The following ST18 variants were observed in gnomAD, a reference collection of about 807,000 sequenced individuals.
ST18 encodes ST18 C2H2C-type zinc finger transcription factor.
A neutral mutation model predicts 110.0 loss-of-function variants in ST18; 50 were observed. The ratio of observed to expected loss-of-function variants is 0.45; its 90% CI spans 0.36 to 0.58. ST18 has a LOEUF of 0.58. ST18 is among the 20% of genes least tolerant of loss of function. The pLI is 0.00. For missense variants in ST18, 1,306 were observed against 1,280.1 expected (o/e 1.02, Z -0.31); for synonymous variants, 461 against 452.4 (o/e 1.02, Z -0.24).
intron 2 of ST18, among the ~76,000 whole-genome samples, chr8:52,274,118 A>G (rs1166871819): frequency 6.6e-6 from 1 of 152,196 alleles, no homozygotes; most frequent in Non-Finnish European, 1.5e-5. Flanking sequence ...AAGAAGCTAA[A>G]GAAGAACAGG....
chr8:52,211,184 C>A (rs576795253), intron 8 of ST18, among the ~76,000 whole-genome samples: 2 of 152,084 alleles, frequency 1.3e-5, no homozygotes, highest in African/African-American at 4.8e-5. Context: ...TATACCCTGA[C>A]AAAGACTCTG....
chr8:52,206,992 C>G (rs1210931339), intron 8 of ST18, among the ~76,000 whole-genome samples: 1 of 152,074 alleles, frequency 6.6e-6, no homozygotes, highest in Non-Finnish European at 1.5e-5. Context: ...GTTATCACCT[C>G]CAGGAATCTT....
chr8:52,305,413 C>A (rs554381562), intron 2 of ST18, among the ~76,000 whole-genome samples: 2 of 152,236 alleles, frequency 1.3e-5, no homozygotes, highest in East Asian at 3.9e-4. Flanking sequence ...TCATTCCTGT[C>A]TTGCTGTCAT....
intron 2 of ST18, among the ~76,000 whole-genome samples, chr8:52,385,623 A>G (rs1836362540): frequency 1.3e-5 from 2 of 149,804 alleles, no homozygotes; most frequent in South Asian, 4.2e-4. Flanking sequence ...AAGACATCAC[A>G]GCTTGGATTC....
At chr8:52,382,991 T>C (rs540142721) in intron 2 of ST18, among the ~76,000 whole-genome samples, 14 of 152,252 alleles carry the variant, frequency 9.2e-5, no homozygotes, top group Non-Finnish European at 2.1e-4. Context: ...CAGTAAACCT[T>C]TCTATCGTAA....
intron 2 of ST18, among the ~76,000 whole-genome samples, chr8:52,266,751 C>T (rs1015089516): frequency 6.6e-6 from 1 of 151,974 alleles, no homozygotes; most frequent in Non-Finnish European, 1.5e-5. Flanking sequence ...ACCATGTTGG[C>T]CAGGCTGGTT....
At chr8:52,173,747 C>T (rs2065866096) in intron 9 of ST18, among the ~76,000 whole-genome samples, 1 of 152,162 alleles carries the variant, frequency 6.6e-6, no homozygotes, top group African/African-American at 2.4e-5. Flanking sequence ...GGGAAGCACC[C>T]AGTAATATGC....
intron 15 of ST18, among the ~76,000 whole-genome samples, chr8:52,157,306 CAT>C (rs1438415940): frequency 6.6e-6 from 1 of 152,030 alleles, no homozygotes; most frequent in Non-Finnish European, 1.5e-5. Flanking sequence ...AACAGGAACA[CAT>C]CTACAGGCAC....
chr8:52,150,777 C>G (rs2058620702), intron 15 of ST18: 1 of 152,352 alleles, frequency 6.6e-6, no homozygotes, highest in East Asian at 1.9e-4. Context: ...TCTTGAGATA[C>G]CTTCTACCTT....
chr8:52,173,630 G>A (rs925984977), intron 9 of ST18, among the ~76,000 whole-genome samples: 1 of 152,106 alleles, frequency 6.6e-6, no homozygotes, highest in African/African-American at 2.4e-5. Flanking sequence ...GCCCAGGCAC[G>A]TGGGGTGTGC....
At chr8:52,168,172 G>A (rs926835669) in intron 10 of ST18, among the ~76,000 whole-genome samples, 2 of 150,456 alleles carry the variant, frequency 1.3e-5, no homozygotes, top group African/African-American at 4.9e-5. Context: ...AAGATGCACA[G>A]GAGCCCTCAG....
intron 2 of ST18, among the ~76,000 whole-genome samples, chr8:52,309,532 A>G (rs897398796): frequency 4.6e-5 from 7 of 151,060 alleles, no homozygotes; most frequent in Non-Finnish European, 7.4e-5. Flanking sequence ...AAAAAAAAAA[A>G]AAAAAAAAAA....
chr8:52,405,335 G>A (rs969753480), intron 2 of ST18: 2 of 152,130 alleles, frequency 1.3e-5, no homozygotes, highest in Admixed American at 6.6e-5. Context: ...TCTCCAGCTG[G>A]ATTTCAGCTT....
intron 2 of ST18, among the ~76,000 whole-genome samples, chr8:52,336,814 A>T (rs1003002743): frequency 2.6e-5 from 4 of 152,056 alleles, no homozygotes; most frequent in East Asian, 1.9e-4. Flanking sequence ...TAATTTTTTT[A>T]AAAAAGACCA....
intron 15 of ST18, among the ~76,000 whole-genome samples, chr8:52,156,719 A>G (rs565499166): frequency 3.9e-5 from 6 of 152,314 alleles, no homozygotes; most frequent in Non-Finnish European, 7.4e-5. Context: ...ACATTGTTAC[A>G]GTTGTGTGCA....
chr8:52,138,787 C>T (rs1262139643), intron 17 of ST18, among the ~76,000 whole-genome samples: 2 of 152,194 alleles, frequency 1.3e-5, no homozygotes, highest in Non-Finnish European at 2.9e-5. Context: ...TCAACTACAC[C>T]AGTCACGCAT....
rs1373337306 is a variant in ST18 at position 52,221,750 on chromosome 8, C to T, written c.-375G>A. 1 of 152,128 alleles carries T rather than the reference C, an allele frequency of 6.6e-6. No homozygotes were observed. Among genetic ancestry groups the T allele is most frequent in the African/African-American group, 2.4e-5 (1 of 41,414 alleles). The allele number at this position is 152,128 out of a possible 1,614,324, so 9.4% of individuals were successfully genotyped here. On this transcript the variant is annotated 5_prime_UTR_variant, in exon 4 of 26. It removes an upstream start codon present in the reference 5' UTR. Transcript: ENST00000689386. ...GTGTTTCTTGTAGGATTTGACCAGACATTAAATAGATGCTTCTTCAACTTA... is the reference window on the plus strand; with the variant it reads ...GTGTTTCTTGTAGGATTTGACCAGATATTAAATAGATGCTTCTTCAACTTA...
intron 2 of ST18, among the ~76,000 whole-genome samples, chr8:52,262,124 T>A (rs1281888777): frequency 6.6e-6 from 1 of 152,186 alleles, no homozygotes; most frequent in Admixed American, 6.5e-5. Flanking sequence ...GGGAAGAGCA[T>A]GTGTGCAAAA....
intron 2 of ST18, among the ~76,000 whole-genome samples, chr8:52,282,773 C>A (rs916002023): frequency 2.6e-5 from 4 of 151,976 alleles, no homozygotes; most frequent in Non-Finnish European, 5.9e-5. Context: ...TCGTACAACA[C>A]CTGCCACTTA....
Sources: allele counts gnomAD v4.1 joint callset (sites outside exome capture counted in the v4.1 genomes callset), GRCh38; gene constraint gnomAD v4.1.1; transcripts MANE v1.5; gene names NCBI Gene and HGNC (gene_info 2026-07-23, HGNC 2026-07-21).